Variants in LRRC7 observed in about 807,000 individuals in gnomAD.
LRRC7 encodes leucine-rich repeat-containing protein 7.
LRRC7 carries 23 observed loss-of-function variants against 175.7 expected under a neutral mutation model. That is an observed-to-expected ratio of 0.13 (90% CI 0.09 to 0.19). The LOEUF (loss-of-function observed/expected upper bound fraction) is 0.19, where lower values mean the gene tolerates loss of function less well. LRRC7 is among the 10% of genes least tolerant of loss of function. LRRC7 has a pLI of 1.00. For synonymous variants in LRRC7, 685 were observed against 680.9 expected (o/e 1.01, Z -0.09); for missense variants, 1,354 against 1,904.7 (o/e 0.71, Z 5.38).
chr1:69,939,035 A>ATATATATATATATATC (rs1553178500), intron 8 of LRRC7, among the ~76,000 whole-genome samples: 3 of 97,630 alleles, frequency 3.1e-5, no homozygotes, highest in African/African-American at 1.1e-4. Flanking sequence ...ATATATCTAT[A>ATATATATATATATATC]TATATCTATA....
chr1:70,106,388 A>C (rs74085929), intron 25 of LRRC7, among the ~76,000 whole-genome samples: 1 of 152,144 alleles, frequency 6.6e-6, no homozygotes, highest in Non-Finnish European at 1.5e-5. Context: ...GAATTGTATA[A>C]TATTTGGCCT....
chr1:70,016,939 T>C (rs1657012196), intron 14 of LRRC7, among the ~76,000 whole-genome samples: 1 of 152,178 alleles, frequency 6.6e-6, no homozygotes, highest in Non-Finnish European at 1.5e-5. Context: ...TTTCTTCTTA[T>C]CCTTTTAATT....
At chr1:69,673,580 A>T (rs1018256998) in intron 1 of LRRC7, among the ~76,000 whole-genome samples, 7 of 152,184 alleles carry the variant, frequency 4.6e-5, no homozygotes, top group Admixed American at 3.9e-4. Context: ...ATTTTGTCTG[A>T]CTATTTAATG....
chr1:69,835,974 G>A (rs1171881402), intron 6 of LRRC7, among the ~76,000 whole-genome samples: 3 of 151,602 alleles, frequency 2.0e-5, no homozygotes, highest in African/African-American at 7.3e-5. Flanking sequence ...TATTTTTCAG[G>A]TGTTCTACAA....
Position 70,038,685 on chromosome 1 carries a change from C to T in LRRC7, c.2861C>T (p.Pro954Leu), listed in dbSNP as rs764421124. The T allele has an allele frequency of 3.5e-5, 57 of 1,614,036 alleles. No homozygotes were observed. The highest frequency in any genetic ancestry group is 3.3e-4 in the Middle Eastern group (2 of 6,060). ...SNVFSQIHCR[P>L]ESSKGVISIS... ...GTCTTTTCTCAAATCCACTGCCGCC[C>T]GGAATCTTCTAAAGGTGTTATTTCA... The change falls in exon 21 of 27, where the codon CCG (proline) becomes CTG (leucine). Residue 954 changes from proline to leucine, a missense_variant. Coordinates refer to ENST00000651989, the MANE Select transcript of LRRC7 (RefSeq NM_001370785.2).
rs1211738510 is a variant in LRRC7, at chr1:70,038,329, G to A, written c.2505G>A (p.Ser835=). The change falls in exon 21 of 27, where the codon TCG becomes TCA. Residue 835 remains serine (S), a synonymous_variant. Coordinates refer to ENST00000651989, the MANE Select transcript of LRRC7 (RefSeq NM_001370785.2). ...ENANSNPLLS[S]KSRSTSSHGR... ...CCAACAGTAATCCTCTCTTAAGTTC[G>A]AAATCTAGAAGCACATCTTCGCATG... The A allele has an allele frequency of 3.7e-6, 6 of 1,614,088 alleles. No individual in the cohort carries two copies. The highest frequency in any genetic ancestry group is 3.3e-4 in the Middle Eastern group (2 of 6,060).
chr1:69,902,798 TGA>T (rs1313788795), intron 7 of LRRC7, among the ~76,000 whole-genome samples: 2 of 152,318 alleles, frequency 1.3e-5, no homozygotes, highest in African/African-American at 4.8e-5. Flanking sequence ...TACTTTTTTA[TGA>T]GAGTATGTTG....
At chr1:69,971,012 G>C (rs2101867038) in intron 8 of LRRC7, among the ~76,000 whole-genome samples, 1 of 152,038 alleles carries the variant, frequency 6.6e-6, no homozygotes, top group South Asian at 2.1e-4. Context: ...CACATAAATA[G>C]AATAAAAAAC....
chr1:69,629,890 A>G (rs533041441), intron 1 of LRRC7, among the ~76,000 whole-genome samples: 7 of 152,206 alleles, frequency 4.6e-5, no homozygotes, highest in African/African-American at 1.4e-4. Context: ...TAACTTCACT[A>G]TCACCCTTTC....
At chr1:70,056,695 G>A (rs1391157560) in intron 23 of LRRC7, among the ~76,000 whole-genome samples, 1 of 152,036 alleles carries the variant, frequency 6.6e-6, no homozygotes, top group African/African-American at 2.4e-5. Flanking sequence ...ACATCTCATT[G>A]ACCCAAAAGA....
intron 1 of LRRC7, among the ~76,000 whole-genome samples, chr1:69,627,758 T>G (rs2100356119): frequency 6.6e-6 from 1 of 152,214 alleles, no homozygotes; most frequent in African/African-American, 2.4e-5. Context: ...TCGGAGAATA[T>G]CATGAGTATA....
intron 3 of LRRC7, among the ~76,000 whole-genome samples, chr1:69,768,719 A>G (rs1296791315): frequency 6.6e-6 from 1 of 152,216 alleles, no homozygotes; most frequent in Non-Finnish European, 1.5e-5. Context: ...ACTCTCTCGT[A>G]GCAGTTTTTA....
intron 2 of LRRC7, among the ~76,000 whole-genome samples, chr1:69,744,964 T>C (rs776240942): frequency 1.3e-5 from 2 of 151,912 alleles, no homozygotes; most frequent in Non-Finnish European, 2.9e-5. Context: ...GGTTCTCTTA[T>C]AATGGATCCA....
chr1:69,734,023 GGAGCTGTGCTT>G (rs1273193537), intron 2 of LRRC7, among the ~76,000 whole-genome samples: 1 of 151,956 alleles, frequency 6.6e-6, no homozygotes, highest in Non-Finnish European at 1.5e-5. Context: ...CTCAAAAGTT[GGAGCTGTGCTT>G]GAAATGACAT....
At chr1:69,717,806 G>GAAAGAAAGAAAT (rs1665608843) in intron 2 of LRRC7, among the ~76,000 whole-genome samples, 5 of 21,714 alleles carry the variant, frequency 2.3e-4, no homozygotes, top group African/African-American at 1.2e-3. Context: ...AAGAAAGAAA[G>GAAAGAAAGAAAT]AAAGAAAGAA....
chr1:69,573,710 T>C (rs1175279363), intron 1 of LRRC7, among the ~76,000 whole-genome samples: 1 of 109,978 alleles, frequency 9.1e-6, no homozygotes, highest in Non-Finnish European at 2.2e-5. Context: ...AAATATTAAA[T>C]ACATTAATAA....
At chr1:69,717,380 G>A (rs957541082) in intron 2 of LRRC7, among the ~76,000 whole-genome samples, 1 of 151,536 alleles carries the variant, frequency 6.6e-6, no homozygotes, top group African/African-American at 2.4e-5. Flanking sequence ...TGAATGACAG[G>A]TCATGAATGA....
intron 7 of LRRC7, chr1:69,875,050 G>A (rs1685923522): frequency 1.3e-5 from 2 of 152,040 alleles, no homozygotes; most frequent in African/African-American, 4.8e-5. Context: ...GTTTTATAAT[G>A]TGTTCTTATG....
intron 25 of LRRC7, among the ~76,000 whole-genome samples, chr1:70,094,939 A>G (rs1664284514): frequency 6.6e-6 from 1 of 152,350 alleles, no homozygotes; most frequent in East Asian, 1.9e-4. Context: ...AAATGAGAAT[A>G]GCAAACATAT....
Sources: gnomAD v4.1 joint callset for allele counts (sites outside exome capture counted in the v4.1 genomes callset) on GRCh38, gnomAD v4.1.1 for gene constraint, MANE v1.5 for transcripts, NCBI Gene and HGNC (gene_info 2026-07-23, HGNC 2026-07-21) for gene names.